Variants in WWOX observed in about 807,000 individuals in gnomAD.
The protein encoded by WWOX is WW domain-containing oxidoreductase.
A neutral mutation model predicts 46.2 loss-of-function variants in WWOX; 69 were observed. The ratio of observed to expected loss-of-function variants is 1.49; its 90% CI spans 1.23 to 1.82. WWOX has a LOEUF of 1.82. Among genes scored for constraint, WWOX ranks in the 40% most tolerant of loss-of-function variants. The pLI, the probability that WWOX is intolerant of heterozygous loss-of-function variation, is 0.00. For synonymous variants in WWOX, 359 were observed against 202.6 expected, an observed-to-expected ratio of 1.77 and a Z score of -6.56; for missense variants, 919 against 542.6, an observed-to-expected ratio of 1.69 and a Z score of -6.89.
chr16:78,647,353 C>A (rs900264850), intron 8 of WWOX, among the ~76,000 whole-genome samples: 2 of 152,118 alleles, frequency 1.3e-5, no homozygotes, highest in African/African-American at 4.8e-5. Context: ...ATTGTTTAGC[C>A]CTCCTTCCAC....
At chr16:78,967,209 C>T (rs181340413) in intron 8 of WWOX, among the ~76,000 whole-genome samples, 2 of 148,316 alleles carry the variant, frequency 1.3e-5, no homozygotes, top group African/African-American at 4.9e-5. Flanking sequence ...GAGGAAAATG[C>T]GTGATTCAAA....
At chr16:79,014,438 G>A (rs560693040) in intron 8 of WWOX, among the ~76,000 whole-genome samples, 30 of 152,208 alleles carry the variant, frequency 2.0e-4, no homozygotes, top group African/African-American at 6.0e-4. Context: ...TTCCTGGATC[G>A]TCCCTCAATT....
intron 8 of WWOX, among the ~76,000 whole-genome samples, chr16:78,923,250 G>A (rs2045421148): frequency 6.6e-6 from 1 of 151,934 alleles, no homozygotes; most frequent in Non-Finnish European, 1.5e-5. Flanking sequence ...CAAAGCACTG[G>A]GATTACAGGC....
At chr16:78,368,636 A>G (rs1011223961) in intron 5 of WWOX, among the ~76,000 whole-genome samples, 4 of 152,210 alleles carry the variant, frequency 2.6e-5, no homozygotes, top group Non-Finnish European at 2.9e-5. Context: ...ATTAACATGC[A>G]TGCCATCGTG....
chr16:78,702,666 C>A (rs201918927), intron 8 of WWOX, among the ~76,000 whole-genome samples: 301 of 134,196 alleles, frequency 2.2e-3, no homozygotes, highest in African/African-American at 4.5e-3. Flanking sequence ...AAAAAAAGAA[C>A]AAAAAAAAAA....
At chr16:78,158,368 G>T (rs2034674126) in intron 4 of WWOX, among the ~76,000 whole-genome samples, 1 of 152,056 alleles carries the variant, frequency 6.6e-6, no homozygotes, top group African/African-American at 2.4e-5. Flanking sequence ...GTACTCTATA[G>T]GGTCTTCCAC....
chr16:78,443,702 A>ATCT (rs1262661038), intron 8 of WWOX, among the ~76,000 whole-genome samples: 8 of 152,078 alleles, frequency 5.3e-5, no homozygotes, highest in Admixed American at 5.2e-4. Flanking sequence ...CCCTAGTTTT[A>ATCT]TCTTCCCGGT....
intron 8 of WWOX, among the ~76,000 whole-genome samples, chr16:79,059,352 G>A (rs539643424): frequency 6.6e-6 from 1 of 152,166 alleles, no homozygotes; most frequent in Admixed American, 6.5e-5. Context: ...TCAACTACCT[G>A]TTCTCAAACA....
intron 8 of WWOX, among the ~76,000 whole-genome samples, chr16:78,541,367 G>A (rs1009567997): frequency 6.8e-6 from 1 of 147,372 alleles, no homozygotes; most frequent in African/African-American, 2.5e-5. Context: ...CCAGCTACTT[G>A]GGAGGCTGAG....
At chr16:79,160,132 G>A (rs940009879) in intron 8 of WWOX, among the ~76,000 whole-genome samples, 4 of 152,188 alleles carry the variant, frequency 2.6e-5, no homozygotes, top group African/African-American at 7.2e-5. Flanking sequence ...AGAAGCCGTT[G>A]GAGTGGGTGC....
chr16:79,051,028 C>T (rs1256262184), intron 8 of WWOX, among the ~76,000 whole-genome samples: 1 of 152,222 alleles, frequency 6.6e-6, no homozygotes, highest in South Asian at 2.1e-4. Flanking sequence ...CGCCCATTAA[C>T]GCTTATAGCA....
At chr16:78,240,692 C>T (rs1567451178) in intron 5 of WWOX, among the ~76,000 whole-genome samples, 1 of 152,110 alleles carries the variant, frequency 6.6e-6, no homozygotes, top group Non-Finnish European at 1.5e-5. Context: ...ACTGTCATTC[C>T]AGAGCAGCCG....
chr16:78,686,698 G>C (rs1468664221), intron 8 of WWOX, among the ~76,000 whole-genome samples: 3 of 152,122 alleles, frequency 2.0e-5, no homozygotes, highest in Admixed American at 1.3e-4. Flanking sequence ...CGGGAATCCA[G>C]TTGTTTTAGG....
intron 8 of WWOX, among the ~76,000 whole-genome samples, chr16:78,946,481 G>A (rs533205838): frequency 2.8e-4 from 43 of 152,284 alleles, no homozygotes; most frequent in Middle Eastern, 3.4e-3. Context: ...GTGAGCCACC[G>A]TGCCTGGCCT....
chr16:78,572,109 A>G (rs866797461), intron 8 of WWOX, among the ~76,000 whole-genome samples: 9 of 152,234 alleles, frequency 5.9e-5, no homozygotes, highest in Middle Eastern at 6.3e-3. Context: ...GTTGAGAACT[A>G]GGAAAAGCTC....
At chr16:78,719,092 C>T (rs186929428) in intron 8 of WWOX, among the ~76,000 whole-genome samples, 2 of 152,314 alleles carry the variant, frequency 1.3e-5, no homozygotes, top group Admixed American at 1.3e-4. Context: ...ATGAGCCCCT[C>T]ATGACGCACA....
At chr16:78,502,968 C>G (rs532756093) in intron 8 of WWOX, among the ~76,000 whole-genome samples, 1 of 152,298 alleles carries the variant, frequency 6.6e-6, no homozygotes, top group South Asian at 2.1e-4. Context: ...AAGGAAGGTG[C>G]TGCGATCTTT....
At chr16:78,702,048 A>T (rs1170473872) in intron 8 of WWOX, among the ~76,000 whole-genome samples, 1 of 103,266 alleles carries the variant, frequency 9.7e-6, no homozygotes, top group African/African-American at 4.2e-5. Context: ...TATATATAAA[A>T]TAATGCAGAA....
chr16:78,493,497 G>A (rs138653188), intron 8 of WWOX, among the ~76,000 whole-genome samples: 1 of 152,182 alleles, frequency 6.6e-6, no homozygotes, highest in Non-Finnish European at 1.5e-5. Flanking sequence ...CAGCACAGAA[G>A]AGCAATTGCA....
Sources: allele counts gnomAD v4.1 joint callset (sites outside exome capture counted in the v4.1 genomes callset), GRCh38; gene constraint gnomAD v4.1.1; transcripts MANE v1.5; gene names NCBI Gene and HGNC (gene_info 2026-07-23, HGNC 2026-07-21).